The following PIGU variants were observed in gnomAD, a reference collection of about 807,000 sequenced individuals.
PIGU encodes the protein phosphatidylinositol glycan anchor biosynthesis class U, also known as GPI-anchor transamidase component PIGU.
PIGU carries 24 observed loss-of-function variants against 49.9 expected under a neutral mutation model. The ratio of observed to expected loss-of-function variants is 0.48; its 90% CI spans 0.35 to 0.68. PIGU has a LOEUF of 0.68. PIGU is among the 30% of genes least tolerant of loss of function. The probability of loss-of-function intolerance (pLI) is 0.01; values close to 1 mark genes in which losing one functional copy is unlikely to be tolerated. For missense variants in PIGU, 490 were observed against 532.6 expected, an observed-to-expected ratio of 0.92 and a Z score of 0.79; for synonymous variants, 220 against 205.7, an observed-to-expected ratio of 1.07 and a Z score of -0.59.
intron 9 of PIGU, among the ~76,000 whole-genome samples, chr20:34,584,089 T>C (rs897976581): frequency 7.9e-5 from 12 of 152,148 alleles, no homozygotes; most frequent in African/African-American, 2.9e-4. Flanking sequence ...TAAGCATAGA[T>C]TCTGGAGCCA....
At chr20:34,623,166 C>A (rs2146748186) in intron 6 of PIGU, among the ~76,000 whole-genome samples, 1 of 152,100 alleles carries the variant, frequency 6.6e-6, no homozygotes, top group South Asian at 2.1e-4. Flanking sequence ...TGATCTATAC[C>A]AAGACAGGCA....
chr20:34,633,726 C>G (rs963371586), intron 6 of PIGU, among the ~76,000 whole-genome samples: 1 of 151,994 alleles, frequency 6.6e-6, no homozygotes, highest in Non-Finnish European at 1.5e-5. Context: ...CACCACCACA[C>G]CCGGCTAATT....
intron 8 of PIGU, among the ~76,000 whole-genome samples, chr20:34,588,121 G>A (rs1375756219): frequency 6.6e-6 from 1 of 152,080 alleles, no homozygotes; most frequent in African/African-American, 2.4e-5. Context: ...GCGTGGTGGT[G>A]CATGCCTGTA....
rs1170319045 is a variant in PIGU, at chr20:34,655,023, A to G, written c.195+2157T>C. 2.8e-5 allele frequency among the ~76,000 whole-genome samples: 3 copies of G among 105,674 alleles called. 1 individual carries two copies. The highest frequency in any genetic ancestry group is 1.0e-4 in the African/African-American group (3 of 28,968). The allele number at this position is 105,674 out of a possible 152,430, so 69.3% of individuals were successfully genotyped here. ...CTGTCTCAAAAAAAAAAAAAAAATTAAGGCCAAGCACAGTGGCTCATGCCT... is the reference window on the plus strand; with the variant it reads ...CTGTCTCAAAAAAAAAAAAAAAATTGAGGCCAAGCACAGTGGCTCATGCCT... On this transcript the variant is annotated intron_variant, in intron 2 of 11. Transcript: ENST00000217446.
chr20:34,603,461 G>C (rs1984504154), intron 7 of PIGU, among the ~76,000 whole-genome samples: 1 of 152,120 alleles, frequency 6.6e-6, no homozygotes, highest in African/African-American at 2.4e-5. Context: ...ACAATGAACT[G>C]ATTTCTTATC....
chr20:34,657,560 CAAT>C (rs952571174), intron 1 of PIGU, among the ~76,000 whole-genome samples: 6 of 152,174 alleles, frequency 3.9e-5, no homozygotes, highest in African/African-American at 1.4e-4. Context: ...TTCCAAAGCA[CAAT>C]AAGATAACAA....
rs113682290 is a variant in PIGU at position 34,610,285 on chromosome 20, T to C, written c.627+5757A>G. ...AAATTGTCTCTGTTTGCAGATGACA[T>C]GAGTGTATATTTAGAAAACCCCACC... is the stretch of plus-strand genomic sequence containing the variant. On this transcript the variant is annotated intron_variant, in intron 7 of 11. Transcript: ENST00000217446. Among the ~76,000 whole-genome samples the C allele has an allele frequency of 2.0e-3, 299 of 152,286 alleles. 2 individuals carry two copies. The highest frequency in any genetic ancestry group is 6.3e-3 in the African/African-American group (260 of 41,574).
At chr20:34,587,601 AC>A (rs1409318180) in intron 8 of PIGU, among the ~76,000 whole-genome samples, 1 of 152,190 alleles carries the variant, frequency 6.6e-6, no homozygotes, top group African/African-American at 2.4e-5. Context: ...AAAGAAAAAA[AC>A]ATATTCCTCC....
intron 4 of PIGU, among the ~76,000 whole-genome samples, chr20:34,642,693 C>CATATATATATATAT (rs11472795): frequency 1.1e-3 from 129 of 120,292 alleles, no homozygotes; most frequent in African/African-American, 3.8e-3. Flanking sequence ...ACACATATCT[C>CATATATATATATAT]ATATATATAT....
Position 34,625,368 on chromosome 20 carries a change from C to CAA in PIGU, c.530-9231_530-9230dup, listed in dbSNP as rs745930230. 7.1e-4 allele frequency among the ~76,000 whole-genome samples: 57 copies of CAA among 80,506 alleles called. 2 individuals are homozygous for CAA. The highest frequency in any genetic ancestry group is 1.7e-3 in the African/African-American group (43 of 25,984). 52.8% of individuals were successfully genotyped at this position (80,506 alleles called of 152,430 possible). On this transcript the variant is annotated intron_variant, in intron 6 of 11. Coordinates refer to ENST00000217446, the MANE Select transcript of PIGU (RefSeq NM_080476.5). The stretch of plus-strand genomic sequence containing the variant: ...GGGGAACAAGAGCAAAACTCCATCT[C>CAA]AAAAAAAAAAAAAACAAAAAAAAAA...
chr20:34,600,149 G>A (rs1468742400), intron 7 of PIGU, among the ~76,000 whole-genome samples: 1 of 152,146 alleles, frequency 6.6e-6, no homozygotes, highest in African/African-American at 2.4e-5. Context: ...GCTCAGGCCT[G>A]TAATTCCAGC....
intron 7 of PIGU, among the ~76,000 whole-genome samples, chr20:34,614,810 T>C (rs1217305603): frequency 6.6e-6 from 1 of 152,170 alleles, no homozygotes; most frequent in Non-Finnish European, 1.5e-5. Context: ...TATGGCCTAT[T>C]TCAATAAATG....
chr20:34,652,183 G>T (rs1312811119), intron 2 of PIGU, among the ~76,000 whole-genome samples: 3 of 152,022 alleles, frequency 2.0e-5, no homozygotes, highest in East Asian at 1.9e-4. Flanking sequence ...TTTCCCCCTG[G>T]GGGGAGAAAC....
At chr20:34,586,008 A>C (rs1212297958) in intron 8 of PIGU, among the ~76,000 whole-genome samples, 1 of 151,866 alleles carries the variant, frequency 6.6e-6, no homozygotes, top group Non-Finnish European at 1.5e-5. Context: ...CTTACTCCAC[A>C]CCCCACAGCA....
intron 4 of PIGU, among the ~76,000 whole-genome samples, chr20:34,639,521 G>A (rs1476167962): frequency 6.6e-6 from 1 of 152,050 alleles, no homozygotes; most frequent in East Asian, 1.9e-4. Flanking sequence ...AGGAGAAATA[G>A]GGAGATGAAA....
intron 5 of PIGU, 118 bp from the exon 6 acceptor site, chr20:34,634,833 G>A (rs1031914307): frequency 3.3e-5 from 48 of 1,439,030 alleles, no homozygotes; most frequent in Non-Finnish European, 4.1e-5. Context: ...CAGCTTCTCA[G>A]AAATGAGTTC....
intron 6 of PIGU, among the ~76,000 whole-genome samples, chr20:34,625,654 A>T (rs1366660858): frequency 6.6e-6 from 1 of 150,868 alleles, no homozygotes; most frequent in Non-Finnish European, 1.5e-5. Context: ...AAAAACCTTT[A>T]AAATTCCGAG....
intron 6 of PIGU, among the ~76,000 whole-genome samples, chr20:34,633,262 G>A (rs1344204574): frequency 2.0e-5 from 3 of 152,084 alleles, no homozygotes; most frequent in Non-Finnish European, 4.4e-5. Flanking sequence ...CCAGGAATTC[G>A]ACAGCAGCCT....
rs1461674125 is a variant in PIGU, at chr20:34,638,126, C to T, written c.319-141G>A. 4 of 1,346,526 alleles carry T rather than the reference C, an allele frequency of 3.0e-6. No individual in the cohort carries two copies. The African/African-American group carries it at 6.1e-5, about 20-fold the overall frequency. 83.4% of individuals were successfully genotyped at this position (1,346,526 alleles called of 1,614,324 possible). On this transcript the variant is annotated intron_variant, in intron 4 of 11. Transcript: ENST00000217446. ...CCTACCTCTCCAGGCTCATCTCACA[C>T]TCGGCCCTCCCCATCCCCTTTCTGG...
Sources: allele counts gnomAD v4.1 joint callset (sites outside exome capture counted in the v4.1 genomes callset), GRCh38; gene constraint gnomAD v4.1.1; transcripts MANE v1.5; gene names NCBI Gene and HGNC (gene_info 2026-07-23, HGNC 2026-07-21).